The following MLLT3 variants were observed in gnomAD, a reference collection of about 807,000 sequenced individuals.
MLLT3 encodes the protein protein AF-9.
A neutral mutation model predicts 53.2 loss-of-function variants in MLLT3; 4 were observed. The ratio of observed to expected loss-of-function variants is 0.08; its 90% CI spans 0.04 to 0.17. The LOEUF (loss-of-function observed/expected upper bound fraction) is 0.17. MLLT3 is among the 10% of genes least tolerant of loss of function. The pLI, the probability that MLLT3 is intolerant of heterozygous loss-of-function variation, is 1.00. For missense variants in MLLT3, 569 were observed against 684.0 expected, an observed-to-expected ratio of 0.83 and a Z score of 1.87; for synonymous variants, 283 against 230.6, an observed-to-expected ratio of 1.23 and a Z score of -2.06.
chr9:20,557,636 A>T (rs1479683912), intron 2 of MLLT3, among the ~76,000 whole-genome samples: 2 of 152,218 alleles, frequency 1.3e-5, no homozygotes, highest in Non-Finnish European at 2.9e-5. Context: ...ACAAACAAGA[A>T]TATCTATGAA....
chr9:20,346,595 A>C (rs1184465286), intron 10 of MLLT3, 21 bp from the exon 11 acceptor site: 18 of 1,608,400 alleles, frequency 1.1e-5, no homozygotes, highest in Non-Finnish European at 1.5e-5. Flanking sequence ...GAAGAAGAGA[A>C]AGTTTGGGCA....
chr9:20,503,612 A>C (rs1201456877), intron 2 of MLLT3, among the ~76,000 whole-genome samples: 1 of 152,214 alleles, frequency 6.6e-6, no homozygotes, highest in Non-Finnish European at 1.5e-5. Flanking sequence ...CATAGCAGAA[A>C]TTCTCCATGA....
chr9:20,575,735 T>C (rs1444598458), intron 2 of MLLT3, among the ~76,000 whole-genome samples: 1 of 152,182 alleles, frequency 6.6e-6, no homozygotes, highest in Non-Finnish European at 1.5e-5. Context: ...AAGCAGATAT[T>C]GTAAGTAGAT....
intron 2 of MLLT3, among the ~76,000 whole-genome samples, chr9:20,598,654 GTGA>G (rs753463457): frequency 5.9e-5 from 9 of 152,198 alleles, no homozygotes; most frequent in Non-Finnish European, 1.3e-4. Flanking sequence ...ATTACCAGAA[GTGA>G]TGATCAGTAA....
chr9:20,519,511 G>A (rs1312795458), intron 2 of MLLT3, among the ~76,000 whole-genome samples: 1 of 151,982 alleles, frequency 6.6e-6, no homozygotes, highest in Non-Finnish European at 1.5e-5. Flanking sequence ...GATATACAAT[G>A]ACGTACATAG....
At chr9:20,407,523 T>G (rs573395998) in intron 5 of MLLT3, among the ~76,000 whole-genome samples, 8 of 152,144 alleles carry the variant, frequency 5.3e-5, no homozygotes, top group Admixed American at 1.3e-4. Context: ...AGGATTCATA[T>G]GGGGGACAAC....
chr9:20,430,724 A>G (rs1365665466), intron 4 of MLLT3, among the ~76,000 whole-genome samples: 3 of 152,130 alleles, frequency 2.0e-5, no homozygotes, highest in Non-Finnish European at 2.9e-5. Context: ...GGGACATTAA[A>G]AAGAACTAAC....
chr9:20,518,050 G>C (rs1181408141), intron 2 of MLLT3, among the ~76,000 whole-genome samples: 1 of 151,964 alleles, frequency 6.6e-6, no homozygotes, highest in African/African-American at 2.4e-5. Context: ...ATGAATGAAT[G>C]AATGGTAGGC....
intron 3 of MLLT3, among the ~76,000 whole-genome samples, chr9:20,449,748 A>G (rs1213153805): frequency 6.6e-6 from 1 of 152,062 alleles, no homozygotes; most frequent in Non-Finnish European, 1.5e-5. Flanking sequence ...TTCCACTACA[A>G]TCTGACATGA....
rs939866149 is a variant in MLLT3 at position 20,448,581 on chromosome 9, C to T, written c.277-315G>A. On this transcript the variant is annotated intron_variant, in intron 3 of 10. Coordinates refer to ENST00000380338, the MANE Select transcript of MLLT3 (RefSeq NM_004529.4). The surrounding 1 kb of genome is among the most constrained non-coding windows in gnomAD (Gnocchi z 4.0). ...GAAACCAAGCACATTCCTTCCTCTT[C>T]CCCACCCCAGTACACTCACCATCAA... 5.3e-5 allele frequency among the ~76,000 whole-genome samples: 8 copies of T among 152,218 alleles called. No homozygotes were observed. The highest frequency in any genetic ancestry group is 3.9e-4 in the Admixed American group (6 of 15,266).
intron 2 of MLLT3, among the ~76,000 whole-genome samples, chr9:20,503,081 G>C (rs1825289289): frequency 1.3e-5 from 2 of 152,130 alleles, no homozygotes. Context: ...AAGACATACT[G>C]TGTTCACAAG....
chr9:20,483,760 T>C (rs1052901606), intron 2 of MLLT3, among the ~76,000 whole-genome samples: 2 of 134,034 alleles, frequency 1.5e-5, no homozygotes, highest in African/African-American at 5.7e-5. Context: ...CAGGCTAGAG[T>C]GCAGTGGCGC....
chr9:20,611,212 T>C (rs746149293), intron 2 of MLLT3, among the ~76,000 whole-genome samples: 1 of 152,088 alleles, frequency 6.6e-6, no homozygotes, highest in Non-Finnish European at 1.5e-5. Flanking sequence ...AATCAGACAG[T>C]ATTCTATCCC....
At chr9:20,561,747 T>C (rs774470284) in intron 2 of MLLT3, among the ~76,000 whole-genome samples, 1 of 152,164 alleles carries the variant, frequency 6.6e-6, no homozygotes, top group Non-Finnish European at 1.5e-5. Context: ...CACAAATCTG[T>C]TTGATCTCTG....
At chr9:20,526,137 G>A (rs948487913) in intron 2 of MLLT3, among the ~76,000 whole-genome samples, 1 of 152,220 alleles carries the variant, frequency 6.6e-6, no homozygotes, top group Non-Finnish European at 1.5e-5. Context: ...AGGCACCCAT[G>A]AGGTGCCAAA....
intron 4 of MLLT3, among the ~76,000 whole-genome samples, chr9:20,420,846 A>G (rs180833699): frequency 6.6e-6 from 1 of 152,228 alleles, no homozygotes; most frequent in South Asian, 2.1e-4. Flanking sequence ...CCTTGAATAA[A>G]GTTCAGAAGT....
At chr9:20,393,373 G>A (rs1822236849) in intron 5 of MLLT3, among the ~76,000 whole-genome samples, 1 of 152,136 alleles carries the variant, frequency 6.6e-6, no homozygotes, top group Non-Finnish European at 1.5e-5. Context: ...TGGAATCTGA[G>A]GATTTGTCAG....
At chr9:20,534,924 A>C (rs1587038424) in intron 2 of MLLT3, among the ~76,000 whole-genome samples, 1 of 152,076 alleles carries the variant, frequency 6.6e-6, no homozygotes, top group Non-Finnish European at 1.5e-5. Flanking sequence ...AATAAAAAGA[A>C]GAAAATTATA....
At chr9:20,357,811 A>G (rs1044301463) in intron 8 of MLLT3, among the ~76,000 whole-genome samples, 1 of 152,236 alleles carries the variant, frequency 6.6e-6, no homozygotes, top group Non-Finnish European at 1.5e-5. Context: ...TTATCAATTC[A>G]TAGAGAGAGA....
Sources: allele counts gnomAD v4.1 joint callset (sites outside exome capture counted in the v4.1 genomes callset), GRCh38; gene constraint gnomAD v4.1.1; non-coding constraint Gnocchi (gnomAD v3.1); transcripts MANE v1.5; gene names NCBI Gene and HGNC (gene_info 2026-07-23, HGNC 2026-07-21).